The following THSD7B variants were observed in gnomAD, a reference collection of about 807,000 sequenced individuals.
THSD7B encodes the protein thrombospondin type 1 domain containing 7B, also known as thrombospondin type-1 domain-containing protein 7B.
In THSD7B, 138 loss-of-function variants were observed where a neutral mutation model predicts 213.6. That is an observed-to-expected ratio of 0.65 (90% CI 0.56 to 0.74). The LOEUF (loss-of-function observed/expected upper bound fraction) is 0.74. Ranked by LOEUF, THSD7B falls within the 30% of genes least tolerant of loss-of-function variation. The pLI is 0.00. For synonymous variants in THSD7B, 742 were observed against 687.0 expected, an observed-to-expected ratio of 1.08 and a Z score of -1.25; for missense variants, 1,931 against 1,991.5, an observed-to-expected ratio of 0.97 and a Z score of 0.58.
chr2:137,023,457 A>G (rs1015793026), intron 2 of THSD7B, among the ~76,000 whole-genome samples: 18 of 152,124 alleles, frequency 1.2e-4, no homozygotes, highest in African/African-American at 4.3e-4. Context: ...GTTCCCTGCA[A>G]TTCAAAGCAG....
chr2:137,199,281 C>T (rs1293392983), intron 7 of THSD7B, among the ~76,000 whole-genome samples: 1 of 152,098 alleles, frequency 6.6e-6, no homozygotes, highest in Non-Finnish European at 1.5e-5. Context: ...TGTATCTAGT[C>T]TTTTCTCACT....
chr2:137,656,770 C>G lies in THSD7B; in HGVS notation c.4106-26C>G, dbSNP rs778294211. 5.0e-6 allele frequency: 8 copies of G among 1,586,324 alleles called. No homozygotes were observed. In the Admixed American group the frequency reaches 7.2e-5, roughly 14 times the overall value. On this transcript the variant is annotated intron_variant, in intron 22 of 27. Transcript: ENST00000409968. ...AGTGCCACTTTTCATGCTGTTTTCT[C>G]CACCCTGTACTGCATGACTGTCCAG...
At chr2:137,550,064 A>G (rs1324665671) in intron 15 of THSD7B, among the ~76,000 whole-genome samples, 1 of 152,076 alleles carries the variant, frequency 6.6e-6, no homozygotes, top group Non-Finnish European at 1.5e-5. Flanking sequence ...GGCAGTGGGA[A>G]GCATCTCCCA....
At chr2:136,897,388 G>A (rs577940464) in intron 2 of THSD7B, among the ~76,000 whole-genome samples, 1 of 152,216 alleles carries the variant, frequency 6.6e-6, no homozygotes, top group Admixed American at 6.5e-5. Context: ...CAGGAGTGAA[G>A]CCACAGACCT....
intron 21 of THSD7B, among the ~76,000 whole-genome samples, chr2:137,654,159 T>G (rs1203641780): frequency 6.6e-6 from 1 of 152,232 alleles, no homozygotes; most frequent in East Asian, 1.9e-4. Flanking sequence ...TATAGCATCT[T>G]GAGCCTAGGT....
intron 12 of THSD7B, among the ~76,000 whole-genome samples, chr2:137,348,081 G>A (rs1239159101): frequency 6.6e-6 from 1 of 151,534 alleles, no homozygotes; most frequent in East Asian, 1.9e-4. Flanking sequence ...CAACAATGTG[G>A]AAAATTCTAT....
At position 136,948,543 on chromosome 2, in the gene THSD7B, A is replaced by G. The variant is rs143700546; in HGVS notation, c.139+66226A>G. On this transcript the variant is annotated intron_variant, in intron 2 of 27. Transcript: ENST00000409968. ...AATGCCGTAGAAATTCAGGTGAGGG[A>G]AAGATTATTTCCTGCTGGGTGACAT... Among the ~76,000 whole-genome samples the G allele has an allele frequency of 2.6e-4, 40 of 152,276 alleles. No homozygotes were observed. In the East Asian group the frequency reaches 4.8e-3, roughly 18 times the overall value.
intron 5 of THSD7B, among the ~76,000 whole-genome samples, chr2:137,124,280 A>G (rs1401174573): frequency 6.6e-6 from 1 of 152,206 alleles, no homozygotes; most frequent in African/African-American, 2.4e-5. Context: ...AAACAAAGTT[A>G]TTGCTTCCAA....
intron 2 of THSD7B, among the ~76,000 whole-genome samples, chr2:136,923,297 T>A (rs1199095682): frequency 6.6e-6 from 1 of 152,230 alleles, no homozygotes; most frequent in Non-Finnish European, 1.5e-5. Context: ...TTTTAAAGGC[T>A]GCATAATATT....
intron 3 of THSD7B, among the ~76,000 whole-genome samples, chr2:137,093,272 C>T (rs1206632247): frequency 6.6e-6 from 1 of 151,104 alleles, no homozygotes; most frequent in Admixed American, 6.6e-5. Flanking sequence ...CTACGTTCCT[C>T]CTCGCACTTT....
At chr2:136,852,503 A>C (rs1000003698) in intron 1 of THSD7B, among the ~76,000 whole-genome samples, 1 of 152,170 alleles carries the variant, frequency 6.6e-6, no homozygotes, top group Non-Finnish European at 1.5e-5. Flanking sequence ...TGTGAGACTC[A>C]GAGAAGAGGC....
chr2:137,454,047 T>C (rs1379760369), intron 15 of THSD7B, among the ~76,000 whole-genome samples: 1 of 152,224 alleles, frequency 6.6e-6, no homozygotes, highest in Non-Finnish European at 1.5e-5. Context: ...AACTTGGCTG[T>C]TGTAAATAGT....
rs146813200 is a variant in THSD7B, at chr2:137,084,238, G to A, written c.951-10635G>A. ...ACACAGCTATGTCTGCTGTATTGGG[G>A]AAATCTACTTACATGACAGTGAAAT... On this transcript the variant is annotated intron_variant, in intron 3 of 27. Coordinates refer to ENST00000409968, the MANE Select transcript of THSD7B (RefSeq NM_001316349.2). Among the ~76,000 whole-genome samples, 141 of 152,208 alleles carry A rather than the reference G, an allele frequency of 9.3e-4. 1 individual carries two copies. The highest frequency in any genetic ancestry group is 3.2e-3 in the African/African-American group (133 of 41,536).
At chr2:137,571,344 T>G (rs1174102306) in intron 16 of THSD7B, among the ~76,000 whole-genome samples, 1 of 152,204 alleles carries the variant, frequency 6.6e-6, no homozygotes, top group East Asian at 1.9e-4. Flanking sequence ...TGCTGAACAT[T>G]TGGACTGTTT....
At chr2:137,642,716 T>C in intron 21 of THSD7B, 83 bp downstream of exon 21, 2 of 1,476,560 alleles carry the variant, frequency 1.4e-6, no homozygotes, top group African/African-American at 1.4e-5. Context: ...GCTGATGGAA[T>C]AAATTTCACA....
chr2:137,595,507 T>A (rs986411173), intron 17 of THSD7B, among the ~76,000 whole-genome samples: 10 of 152,020 alleles, frequency 6.6e-5, no homozygotes, highest in Admixed American at 1.3e-4. Context: ...AAATGCTTTC[T>A]GGTTTCTAAC....
At chr2:137,060,144 G>C (rs1327286395) in intron 3 of THSD7B, among the ~76,000 whole-genome samples, 1 of 151,988 alleles carries the variant, frequency 6.6e-6, no homozygotes, top group Non-Finnish European at 1.5e-5. Flanking sequence ...TCATACACTT[G>C]CTTGCCATCT....
chr2:137,011,684 C>T (rs1316512589), intron 2 of THSD7B, among the ~76,000 whole-genome samples: 1 of 152,194 alleles, frequency 6.6e-6, no homozygotes, highest in Non-Finnish European at 1.5e-5. Flanking sequence ...TTTGCTTGTG[C>T]AGCACCACAA....
chr2:137,088,916 A>G (rs1296411089), intron 3 of THSD7B, among the ~76,000 whole-genome samples: 1 of 152,218 alleles, frequency 6.6e-6, no homozygotes, highest in African/African-American at 2.4e-5. Flanking sequence ...CAAAACCACA[A>G]TGGGATATCA....
Sources: allele counts gnomAD v4.1 joint callset (sites outside exome capture counted in the v4.1 genomes callset), GRCh38; gene constraint gnomAD v4.1.1; transcripts MANE v1.5; gene names NCBI Gene and HGNC (gene_info 2026-07-23, HGNC 2026-07-21).